Variants in SIPA1L3 observed in about 807,000 individuals in gnomAD.
SIPA1L3 encodes the protein signal induced proliferation associated 1 like 3.
A neutral mutation model predicts 150.1 loss-of-function variants in SIPA1L3; 59 were observed. The observed-to-expected ratio is 0.39, with a 90% CI of 0.32 to 0.49. The LOEUF is 0.49. Among genes scored for constraint, SIPA1L3 ranks in the 20% least tolerant of loss-of-function variants. SIPA1L3 has a pLI of 0.86. For synonymous variants in SIPA1L3, 1,070 were observed against 1,077.6 expected (o/e 0.99, Z 0.14); for missense variants, 2,211 against 2,489.5 (o/e 0.89, Z 2.38).
chr19:38,158,858 G>A (rs1354523690), intron 13 of SIPA1L3, among the ~76,000 whole-genome samples: 1 of 152,232 alleles, frequency 6.6e-6, no homozygotes, highest in Non-Finnish European at 1.5e-5. Context: ...TCAGTGAGAG[G>A]TGCCTGATAG....
chr19:38,112,782 AG>A (rs1970795687), intron 8 of SIPA1L3, among the ~76,000 whole-genome samples: 1 of 151,792 alleles, frequency 6.6e-6, no homozygotes, highest in Non-Finnish European at 1.5e-5. Context: ...CCCCACAGGC[AG>A]CTCCTCTCTG....
At chr19:37,936,237 G>C (rs2046598970) in intron 1 of SIPA1L3, among the ~76,000 whole-genome samples, 1 of 152,062 alleles carries the variant, frequency 6.6e-6, no homozygotes, top group Non-Finnish European at 1.5e-5. Context: ...TTTTTCAGTT[G>C]GGCCCATTGC....
rs1390952950 is a variant in SIPA1L3 at position 37,961,101 on chromosome 19, T to A, written c.-379+53743T>A. Among the ~76,000 whole-genome samples the A allele has an allele frequency of 2.6e-5, 4 of 151,822 alleles. No homozygotes were observed. In the East Asian group the frequency reaches 5.8e-4, roughly 22 times the overall value. On this transcript the variant is annotated intron_variant, in intron 1 of 21. Coordinates refer to ENST00000222345, the MANE Select transcript of SIPA1L3 (RefSeq NM_015073.3). ...CCAGGGTGATCTTGAACTCCTGGCC[T>A]CAAGTGATCCACCCGCCTTGGCTTT...
chr19:37,961,645 T>C (rs1568480597), intron 1 of SIPA1L3, among the ~76,000 whole-genome samples: 3 of 152,220 alleles, frequency 2.0e-5, no homozygotes, highest in Admixed American at 6.5e-5. Context: ...CTTGGATGTG[T>C]AAACTAATGT....
intron 15 of SIPA1L3, among the ~76,000 whole-genome samples, chr19:38,165,700 G>A (rs1377060718): frequency 6.6e-6 from 1 of 152,144 alleles, no homozygotes; most frequent in Non-Finnish European, 1.5e-5. Flanking sequence ...CCAGCTGCTG[G>A]CCCCCACCCA....
At chr19:38,120,874 G>C (rs74921874) in intron 9 of SIPA1L3, among the ~76,000 whole-genome samples, 1 of 152,224 alleles carries the variant, frequency 6.6e-6, no homozygotes, top group African/African-American at 2.4e-5. Flanking sequence ...GCAGAACGCC[G>C]TGCCATGTGT....
chr19:38,157,253 C>T (rs1163394154), intron 13 of SIPA1L3, among the ~76,000 whole-genome samples: 1 of 152,154 alleles, frequency 6.6e-6, no homozygotes, highest in Non-Finnish European at 1.5e-5. Context: ...CCCGATGGAG[C>T]GAGCCATCCT....
chr19:38,155,849 G>C (rs1971935544), intron 13 of SIPA1L3, among the ~76,000 whole-genome samples: 1 of 152,152 alleles, frequency 6.6e-6, no homozygotes, highest in Non-Finnish European at 1.5e-5. Context: ...GGGAGGCCGA[G>C]GCAGGCCGAT....
chr19:37,978,220 A>G (rs1967120589), intron 1 of SIPA1L3, among the ~76,000 whole-genome samples: 1 of 152,176 alleles, frequency 6.6e-6, no homozygotes, highest in Admixed American at 6.5e-5. Context: ...TGCAGTCGCT[A>G]ATACAAATGA....
At chr19:38,099,901 T>C in intron 4 of SIPA1L3, 61 bp from the exon 5 acceptor site, 1 of 1,345,894 alleles carries the variant, frequency 7.4e-7, no homozygotes. Context: ...ACCTCTGCTA[T>C]GCTCTTATCC....
rs191147214 is a variant in SIPA1L3, at chr19:38,192,539, C to T, written c.4596+229C>T. On this transcript the variant is annotated intron_variant, in intron 17 of 21. Coordinates refer to ENST00000222345, the MANE Select transcript of SIPA1L3 (RefSeq NM_015073.3). ...CACAGGATAAGCCCAGGCAGGCACT[C>T]GGGAATCTACCCCATACCGAGAACC... Among the ~76,000 whole-genome samples, 117 of 152,300 alleles carry T rather than the reference C, an allele frequency of 7.7e-4. 1 individual carries two copies. The East Asian group carries it at 0.015, about 19-fold the overall frequency.
intron 1 of SIPA1L3, among the ~76,000 whole-genome samples, chr19:37,981,494 G>A (rs62120131): frequency 0.05 from 7,544 of 151,406 alleles, 222 homozygotes; most frequent in East Asian, 0.11. Flanking sequence ...CTTCTTGTCC[G>A]TGTTGAGCAG....
At chr19:37,992,146 A>G (rs1210694030) in intron 1 of SIPA1L3, among the ~76,000 whole-genome samples, 1 of 152,058 alleles carries the variant, frequency 6.6e-6, no homozygotes, top group African/African-American at 2.4e-5. Context: ...ATTGGGCTGC[A>G]TTTCCTCCTT....
intron 13 of SIPA1L3, among the ~76,000 whole-genome samples, chr19:38,158,396 G>A (rs1413817222): frequency 1.3e-5 from 2 of 152,340 alleles, no homozygotes; most frequent in African/African-American, 2.4e-5. Context: ...TGGAGACCCT[G>A]AGGTGGTGGC....
At chr19:38,052,816 G>A (rs1350262158) in intron 2 of SIPA1L3, among the ~76,000 whole-genome samples, 3 of 152,178 alleles carry the variant, frequency 2.0e-5, no homozygotes, top group Admixed American at 6.5e-5. Context: ...TCCTCTGCCG[G>A]AGGAGTCCCC....
intron 4 of SIPA1L3, among the ~76,000 whole-genome samples, chr19:38,090,516 A>G (rs1325044602): frequency 1.3e-5 from 2 of 152,156 alleles, no homozygotes; most frequent in Admixed American, 1.3e-4. Flanking sequence ...TGACAGTTCC[A>G]CCAGAGCTCC....
chr19:38,179,663 T>G (rs1972515879), intron 15 of SIPA1L3, among the ~76,000 whole-genome samples: 2 of 152,170 alleles, frequency 1.3e-5, no homozygotes, highest in Non-Finnish European at 2.9e-5. Context: ...AACCCAGCAG[T>G]ATAGTATTGT....
chr19:38,168,796 G>A (rs938292032), intron 15 of SIPA1L3, among the ~76,000 whole-genome samples: 6 of 152,290 alleles, frequency 3.9e-5, no homozygotes, highest in African/African-American at 1.2e-4. Flanking sequence ...AGGGCCCTGC[G>A]GTTGGGAGCT....
intron 1 of SIPA1L3, among the ~76,000 whole-genome samples, chr19:37,997,864 C>CAAAAAAAAAA (rs967452351): frequency 7.2e-5 from 5 of 69,282 alleles, no homozygotes; most frequent in African/African-American, 2.5e-4. Context: ...GACTCCATCT[C>CAAAAAAAAAA]AAAAAAAAAA....
Sources: allele counts gnomAD v4.1 joint callset (sites outside exome capture counted in the v4.1 genomes callset), GRCh38; gene constraint gnomAD v4.1.1; transcripts MANE v1.5; gene names NCBI Gene and HGNC (gene_info 2026-07-23, HGNC 2026-07-21).